The following NECTIN3 variants were observed in gnomAD, a reference collection of about 807,000 sequenced individuals.
NECTIN3 encodes the protein nectin cell adhesion molecule 3.
In NECTIN3, 8 loss-of-function variants were observed where a neutral mutation model predicts 49.4. The observed-to-expected ratio is 0.16, with a 90% CI of 0.10 to 0.29. NECTIN3 has a LOEUF of 0.29. Ranked by LOEUF, NECTIN3 falls within the 10% of genes least tolerant of loss-of-function variation. The pLI, the probability that NECTIN3 is intolerant of heterozygous loss-of-function variation, is 1.00. For synonymous variants in NECTIN3, 277 were observed against 241.1 expected (o/e 1.15, Z -1.38); for missense variants, 581 against 654.6 (o/e 0.89, Z 1.23).
At chr3:111,192,445 G>A (rs1274696244) in intron 1 of NECTIN3, 11 of 1,498,744 alleles carry the variant, frequency 7.3e-6, no homozygotes, top group Non-Finnish European at 9.9e-6. Flanking sequence ...ATCAGCCCAG[G>A]TGGAGCTGGT....
At chr3:111,081,319 A>C (rs539799165) in intron 1 of NECTIN3, among the ~76,000 whole-genome samples, 1 of 152,138 alleles carries the variant, frequency 6.6e-6, no homozygotes, top group Non-Finnish European at 1.5e-5. Context: ...AACAAGAAAA[A>C]CCACAACCCT....
At chr3:111,146,860 A>G (rs1185244145) in intron 6 of NECTIN3, among the ~76,000 whole-genome samples, 2 of 152,138 alleles carry the variant, frequency 1.3e-5, no homozygotes, top group Admixed American at 6.5e-5. Context: ...AGCTCATGTA[A>G]CTTTGGAAAA....
intron 1 of NECTIN3, among the ~76,000 whole-genome samples, chr3:111,100,711 CTTTT>C (rs1186429175): frequency 6.7e-6 from 1 of 150,172 alleles, no homozygotes. Context: ...AACTTTAAGA[CTTTT>C]TTAAAAACTA....
rs539514130 is a variant in NECTIN3 at position 111,091,501 on chromosome 3, C to G, written c.160+19324C>G. 5.3e-5 allele frequency among the ~76,000 whole-genome samples: 8 copies of G among 152,154 alleles called. No homozygotes were observed. In the South Asian group the frequency reaches 1.2e-3, roughly 24 times the overall value. On this transcript the variant is annotated intron_variant, in intron 1 of 5. Transcript: ENST00000485303. ...TCTCCTGACCTCATGATTCACCCGC[C>G]TCGGCCTCCAGAGTGTTGGGATTAT...
intron 6 of NECTIN3, among the ~76,000 whole-genome samples, chr3:111,145,452 T>C (rs1486708509): frequency 6.6e-6 from 1 of 152,230 alleles, no homozygotes; most frequent in African/African-American, 2.4e-5. Flanking sequence ...ACTATCAAGT[T>C]ATTAAATACA....
Position 111,136,925 on chromosome 3 carries a change from AG to A in NECTIN3, c.*2711del. 1 of 970,200 alleles carries A rather than the reference AG, an allele frequency of 1.0e-6. No homozygotes were observed. Among genetic ancestry groups the A allele is most frequent in the Non-Finnish European group, 1.2e-6 (1 of 816,302 alleles). 60.1% of individuals were successfully genotyped at this position (970,200 alleles called of 1,614,324 possible). ...ATTTGAGAAGTGCTTTAGAGTTGAA[AG>A]ATTTAGTATTTTACCACGTGCCTAG... On this transcript the variant is annotated 3_prime_UTR_variant, in exon 6 of 6. Coordinates refer to ENST00000485303, the MANE Select transcript of NECTIN3 (RefSeq NM_015480.3).
intron 3 of NECTIN3, among the ~76,000 whole-genome samples, chr3:111,119,591 A>T (rs2033856266): frequency 6.6e-6 from 1 of 152,140 alleles, no homozygotes; most frequent in Admixed American, 6.5e-5. Flanking sequence ...TGGTCTCCCA[A>T]AGTGCTGGGA....
At chr3:111,193,373 T>C (rs768797608) in intron 1 of NECTIN3, 1 of 1,531,578 alleles carries the variant, frequency 6.5e-7, no homozygotes, top group South Asian at 1.2e-5. Context: ...GAGAACATTA[T>C]GTGTGATTTT....
At chr3:111,158,332 C>A (rs1381261809) in intron 7 of NECTIN3, among the ~76,000 whole-genome samples, 1 of 152,024 alleles carries the variant, frequency 6.6e-6, no homozygotes, top group Non-Finnish European at 1.5e-5. Context: ...TATGACGATT[C>A]CTAGTTTAAA....
intron 7 of NECTIN3, among the ~76,000 whole-genome samples, chr3:111,173,599 G>T (rs2035472443): frequency 6.6e-6 from 1 of 152,060 alleles, no homozygotes; most frequent in Non-Finnish European, 1.5e-5. Context: ...AGTTGAGCTG[G>T]TATTCCTTTC....
chr3:111,154,162 T>G (rs1017207402), intron 7 of NECTIN3, among the ~76,000 whole-genome samples: 5 of 152,116 alleles, frequency 3.3e-5, no homozygotes, highest in Non-Finnish European at 5.9e-5. Flanking sequence ...ATCTCCCCCC[T>G]CTAGTCCTTT....
intron 1 of NECTIN3, chr3:111,072,478 C>T: frequency 2.6e-6 from 4 of 1,535,852 alleles, no homozygotes; most frequent in Non-Finnish European, 3.5e-6. Context: ...CTCCGGGGAC[C>T]GTTACTTCCT....
At chr3:111,177,707 G>A (rs1287523122) in intron 7 of NECTIN3, among the ~76,000 whole-genome samples, 1 of 152,112 alleles carries the variant, frequency 6.6e-6, no homozygotes, top group African/African-American at 2.4e-5. Flanking sequence ...TACAGCATTA[G>A]GGCATCGCAT....
chr3:111,071,847 T>C lies in NECTIN3; in HGVS notation c.-171T>C. ...GGCAGTGGCGTCGGCGACGGCGGTGTCGAGGCAGCCGCCAGCGTTCGGCCA... is the reference window on the plus strand; with the variant it reads ...GGCAGTGGCGTCGGCGACGGCGGTGCCGAGGCAGCCGCCAGCGTTCGGCCA... On this transcript the variant is annotated 5_prime_UTR_variant, in exon 1 of 6. Transcript: ENST00000485303. 2.5e-6 allele frequency: 1 copy of C among 406,432 alleles called. No individual in the cohort carries two copies. Among genetic ancestry groups the C allele is most frequent in the Non-Finnish European group, 4.2e-6 (1 of 240,808 alleles). The allele number at this position is 406,432 out of a possible 1,614,324, so 25.2% of individuals were successfully genotyped here. A position where few individuals can be genotyped will look rare whatever the true frequency, so the allele number is the denominator to read the frequency against.
rs756310126 is a variant in NECTIN3, at chr3:111,089,435, A to T, written c.160+17258A>T. ...TGTGTGTGTGTGTGTGTGTGTATGT[A>T]TATAAACATATACATACACACACAT... is the stretch of plus-strand genomic sequence containing the variant. On this transcript the variant is annotated intron_variant, in intron 1 of 5. Transcript: ENST00000485303. Among the ~76,000 whole-genome samples the T allele has an allele frequency of 0.039, 5,879 of 149,482 alleles. 645 individuals are homozygous for T. The East Asian group carries it at 0.44, about 11-fold the overall frequency.
At chr3:111,142,392 A>G (rs1057274637), downstream of NECTIN3, among the ~76,000 whole-genome samples, 16 of 151,858 alleles carry the variant, frequency 1.1e-4, no homozygotes, top group Admixed American at 2.0e-4. Context: ...GAGGATACAT[A>G]TGATAAAGAA....
chr3:111,128,337 A>T (rs2034252682), intron 5 of NECTIN3, among the ~76,000 whole-genome samples: 1 of 151,994 alleles, frequency 6.6e-6, no homozygotes, highest in African/African-American at 2.4e-5. Context: ...AAAAAAAAAA[A>T]AATTAAAAAA....
chr3:111,157,560 G>A (rs2035122598), intron 7 of NECTIN3, among the ~76,000 whole-genome samples: 1 of 152,018 alleles, frequency 6.6e-6, no homozygotes, highest in Admixed American at 6.6e-5. Context: ...AACAGAATTT[G>A]AACTGCAAGA....
At chr3:111,111,705 G>A (rs867739840) in intron 1 of NECTIN3, among the ~76,000 whole-genome samples, 17 of 152,266 alleles carry the variant, frequency 1.1e-4, no homozygotes, top group Middle Eastern at 3.4e-3. Flanking sequence ...ATTGAGGAAG[G>A]ATTGTACTTC....
Sources: gnomAD v4.1 joint callset for allele counts (sites outside exome capture counted in the v4.1 genomes callset) on GRCh38, gnomAD v4.1.1 for gene constraint, MANE v1.5 for transcripts, NCBI Gene and HGNC (gene_info 2026-07-23, HGNC 2026-07-21) for gene names.